TSPAN14: variants seen among roughly 807,000 people sequenced by gnomAD.
TSPAN14 encodes the protein tetraspanin-14.
In TSPAN14, 16 loss-of-function variants were observed where a neutral mutation model predicts 36.6. That is an observed-to-expected ratio of 0.44 (90% CI 0.30 to 0.66). The LOEUF (loss-of-function observed/expected upper bound fraction) is 0.66. Among genes scored for constraint, TSPAN14 ranks in the 30% least tolerant of loss-of-function variants. The pLI is 0.12. For missense variants in TSPAN14, 231 were observed against 355.1 expected (o/e 0.65, Z 2.81); for synonymous variants, 139 against 143.8 (o/e 0.97, Z 0.24).
At chr10:80,462,070 C>T (rs371823447) in intron 1 of TSPAN14, among the ~76,000 whole-genome samples, 1 of 152,026 alleles carries the variant, frequency 6.6e-6, no homozygotes, top group East Asian at 1.9e-4. Flanking sequence ...TGCAGCACCA[C>T]ACCCAGCTAA....
chr10:80,471,763 T>TA (rs928658175), intron 1 of TSPAN14, among the ~76,000 whole-genome samples: 9 of 152,084 alleles, frequency 5.9e-5, no homozygotes, highest in Non-Finnish European at 1.2e-4. Context: ...GTGGGGTGGG[T>TA]AGCAGGTGTG....
intron 1 of TSPAN14, among the ~76,000 whole-genome samples, chr10:80,455,551 C>A (rs1845697885): frequency 6.6e-6 from 1 of 152,124 alleles, no homozygotes; most frequent in Admixed American, 6.5e-5. Flanking sequence ...ACCTTGAAGT[C>A]CAGAAGCAGT....
At chr10:80,480,767 C>T (rs1255347985) in intron 1 of TSPAN14, among the ~76,000 whole-genome samples, 3 of 150,508 alleles carry the variant, frequency 2.0e-5, no homozygotes, top group East Asian at 3.9e-4. Context: ...ACGTCACACT[C>T]TGGGGACTGT....
intron 1 of TSPAN14, among the ~76,000 whole-genome samples, chr10:80,477,079 G>T (rs1393019401): frequency 6.6e-6 from 1 of 152,174 alleles, no homozygotes; most frequent in African/African-American, 2.4e-5. Context: ...ACTGGTCCTC[G>T]CATGTGGCCC....
intron 4 of TSPAN14, 52 bp downstream of exon 4, chr10:80,507,426 C>T (rs1002474693): frequency 3.1e-6 from 5 of 1,612,264 alleles, no homozygotes; most frequent in African/African-American, 2.7e-5. Flanking sequence ...GGTACAGGCT[C>T]TGCTGGGCAG....
chr10:80,486,667 C>G (rs1847619258), intron 1 of TSPAN14, among the ~76,000 whole-genome samples: 1 of 152,190 alleles, frequency 6.6e-6, no homozygotes. Flanking sequence ...CAGCCTTCTA[C>G]TTTCCAGGCT....
chr10:80,513,964 T>C (rs1840794415), intron 6 of TSPAN14, 55 bp from the exon 7 acceptor site: 2 of 1,548,890 alleles, frequency 1.3e-6, no homozygotes, highest in Non-Finnish European at 1.8e-6. Context: ...TAGAGCCTCT[T>C]AGCACCAGCT....
At chr10:80,474,229 G>T (rs1368112292) in intron 1 of TSPAN14, among the ~76,000 whole-genome samples, 1 of 152,132 alleles carries the variant, frequency 6.6e-6, no homozygotes, top group Non-Finnish European at 1.5e-5. Context: ...AGGTGGTGTT[G>T]AAGGATTGGC....
chr10:80,458,291 TC>T (rs2131947477), intron 1 of TSPAN14, among the ~76,000 whole-genome samples: 1 of 152,244 alleles, frequency 6.6e-6, no homozygotes, highest in East Asian at 1.9e-4. Flanking sequence ...TGGGGCTAGA[TC>T]CCTGGTCTGT....
At chr10:80,473,452 GC>G (rs953898210) in intron 1 of TSPAN14, among the ~76,000 whole-genome samples, 2 of 152,166 alleles carry the variant, frequency 1.3e-5, no homozygotes, top group African/African-American at 4.8e-5. Flanking sequence ...CAGAGCTGGG[GC>G]CCAGCCTCTC....
chr10:80,498,018 C>T (rs1848288649), intron 2 of TSPAN14, among the ~76,000 whole-genome samples: 1 of 152,232 alleles, frequency 6.6e-6, no homozygotes, highest in Admixed American at 6.5e-5. Flanking sequence ...ACCTTCCGAA[C>T]TCCCACTGAC....
chr10:80,466,693 A>T (rs1371085697), intron 1 of TSPAN14, among the ~76,000 whole-genome samples: 1 of 152,212 alleles, frequency 6.6e-6, no homozygotes, highest in Non-Finnish European at 1.5e-5. Flanking sequence ...AAGTCTCTAA[A>T]ATATTTTAAA....
rs115228857 is a variant in TSPAN14 at position 80,473,599 on chromosome 10, C to G, written c.-17-15618C>G. ...TGATAAAGGAGGGGATCCAGCCCCC[C>G]TGACGTTGTGCAGCTGTGTAGTGAC... On this transcript the variant is annotated intron_variant, in intron 1 of 8. Transcript: ENST00000429989. Among the ~76,000 whole-genome samples the G allele has an allele frequency of 6.2e-3, 937 of 152,062 alleles. 10 individuals carry two copies. The highest frequency in any genetic ancestry group is 0.021 in the African/African-American group (876 of 41,484).
chr10:80,508,635 T>C (rs1227823043), intron 4 of TSPAN14, among the ~76,000 whole-genome samples: 2 of 152,164 alleles, frequency 1.3e-5, no homozygotes, highest in African/African-American at 4.8e-5. Context: ...GAGGGGTCTT[T>C]ATGCTGACGA....
chr10:80,458,268 A>T (rs1209873023), intron 1 of TSPAN14, among the ~76,000 whole-genome samples: 1 of 151,990 alleles, frequency 6.6e-6, no homozygotes, highest in East Asian at 1.9e-4. Context: ...CCCACTGGGG[A>T]TGGGATTGAG....
At chr10:80,477,609 A>C (rs1468394756) in intron 1 of TSPAN14, among the ~76,000 whole-genome samples, 3 of 152,308 alleles carry the variant, frequency 2.0e-5, no homozygotes, top group Admixed American at 6.5e-5. Flanking sequence ...GAACGTGGGC[A>C]TCAGAGGTTG....
At chr10:80,461,759 C>A (rs553267296) in intron 1 of TSPAN14, among the ~76,000 whole-genome samples, 2 of 151,926 alleles carry the variant, frequency 1.3e-5, no homozygotes, top group Non-Finnish European at 2.9e-5. Flanking sequence ...TGCAGAAAGA[C>A]GGTTGGAGAG....
At chr10:80,487,810 G>A (rs1458610528) in intron 1 of TSPAN14, among the ~76,000 whole-genome samples, 1 of 152,148 alleles carries the variant, frequency 6.6e-6, no homozygotes, top group Non-Finnish European at 1.5e-5. Context: ...TGGTTTCTGA[G>A]GTCAGACAGA....
chr10:80,482,198 A>G (rs983543294), intron 1 of TSPAN14, among the ~76,000 whole-genome samples: 2 of 152,232 alleles, frequency 1.3e-5, no homozygotes, highest in Admixed American at 6.5e-5. Context: ...GTTGATTCTT[A>G]GATTATGTGC....
Sources: gnomAD v4.1 joint callset for allele counts (sites outside exome capture counted in the v4.1 genomes callset) on GRCh38, gnomAD v4.1.1 for gene constraint, MANE v1.5 for transcripts, NCBI Gene and HGNC (gene_info 2026-07-23, HGNC 2026-07-21) for gene names.